UNC5A: variants seen among roughly 807,000 people sequenced by gnomAD.
UNC5A encodes unc-5 netrin receptor A.
A neutral mutation model predicts 87.4 loss-of-function variants in UNC5A; 20 were observed. That is an observed-to-expected ratio of 0.23 (90% CI 0.16 to 0.33). UNC5A has a LOEUF of 0.33. UNC5A is among the 10% of genes least tolerant of loss of function. UNC5A has a pLI of 1.00. For missense variants in UNC5A, 844 were observed against 1,133.4 expected (o/e 0.74, Z 3.67); for synonymous variants, 438 against 482.3 (o/e 0.91, Z 1.20).
chr5:176,826,609 G>A (rs1481361482), intron 1 of UNC5A, among the ~76,000 whole-genome samples: 1 of 150,170 alleles, frequency 6.7e-6, no homozygotes, highest in Admixed American at 6.7e-5. Context: ...AATGTTATGC[G>A]ACCATCACTT....
intron 1 of UNC5A, among the ~76,000 whole-genome samples, chr5:176,837,907 T>G (rs975247616): frequency 1.3e-5 from 2 of 152,122 alleles, no homozygotes; most frequent in African/African-American, 4.8e-5. Context: ...CTCCGGACTC[T>G]GCTTCCTAAC....
At chr5:176,835,510 A>T (rs1561647013) in intron 1 of UNC5A, among the ~76,000 whole-genome samples, 1 of 152,186 alleles carries the variant, frequency 6.6e-6, no homozygotes, top group Non-Finnish European at 1.5e-5. Context: ...CCTCCGACTC[A>T]TCGCTCCCTG....
chr5:176,877,809 C>T, intron 10 of UNC5A, 85 bp from the exon 11 acceptor site: 3 of 1,515,160 alleles, frequency 2.0e-6, no homozygotes, highest in Non-Finnish European at 2.7e-6. Flanking sequence ...CCACCCCTCC[C>T]CAGTCTCCGG....
At chr5:176,835,827 G>T (rs1757139040) in intron 1 of UNC5A, among the ~76,000 whole-genome samples, 5 of 147,280 alleles carry the variant, frequency 3.4e-5, no homozygotes, top group Admixed American at 3.4e-4. Context: ...TGTCTTAACA[G>T]ATTCATCTGG....
intron 3 of UNC5A, 66 bp from the exon 4 acceptor site, chr5:176,868,495 C>T: frequency 2.0e-6 from 3 of 1,523,830 alleles, no homozygotes; most frequent in African/African-American, 1.4e-5. Context: ...GGACAAGGGA[C>T]ACAGCCAGCC....
rs1031993756 is a variant in UNC5A, at chr5:176,879,974, C to T, written c.*88C>T. ...GCCGGACAGGGGCCCTTCCCCACACCGGGGAGAGCTGCTCGGACAGGCCCC... is the reference window on the plus strand; with the variant it reads ...GCCGGACAGGGGCCCTTCCCCACACTGGGGAGAGCTGCTCGGACAGGCCCC... On this transcript the variant is annotated 3_prime_UTR_variant, in exon 15 of 15. Transcript: ENST00000329542. 20 of 1,460,792 alleles carry T rather than the reference C, an allele frequency of 1.4e-5. No individual in the cohort carries two copies. Among genetic ancestry groups the T allele is most frequent in the Middle Eastern group, 2.3e-4 (1 of 4,282 alleles). The allele number at this position is 1,460,792 out of a possible 1,614,324, so 90.5% of individuals were successfully genotyped here.
intron 1 of UNC5A, among the ~76,000 whole-genome samples, chr5:176,843,110 G>A (rs1356457091): frequency 3.3e-5 from 5 of 150,710 alleles, no homozygotes; most frequent in East Asian, 1.9e-4. Flanking sequence ...GCAGTGAGCC[G>A]AGATCGCGTC....
chr5:176,879,615 A>G (rs1273266994), intron 14 of UNC5A, 106 bp from the exon 15 acceptor site: 2 of 1,550,272 alleles, frequency 1.3e-6, no homozygotes, highest in Admixed American at 1.9e-5. Flanking sequence ...CGGGGCAGTC[A>G]TTGTGTTTGG....
At chr5:176,842,976 A>G (rs191542304) in intron 1 of UNC5A, among the ~76,000 whole-genome samples, 90 of 152,312 alleles carry the variant, frequency 5.9e-4, no homozygotes, top group Non-Finnish European at 2.5e-4. Context: ...AGCCTGGCCA[A>G]CATGGCAAAC....
Position 176,880,181 on chromosome 5 carries a change from G to GCTA in UNC5A, c.*297_*299dup, listed in dbSNP as rs1758382203. On this transcript the variant is annotated 3_prime_UTR_variant, in exon 15 of 15. Transcript: ENST00000329542. ...CTGTGTGTGTGTATGTGCGTGTGAT[G>GCTA]CTACCTCTCCTCCCGTCCCTCTCCA... 2.8e-6 allele frequency: 1 copy of GCTA among 351,574 alleles called. No homozygotes were observed. The allele number at this position is 351,574 out of a possible 1,614,324, so 21.8% of individuals were successfully genotyped here.
intron 2 of UNC5A, chr5:176,864,715 C>T: frequency 2.5e-6 from 1 of 397,320 alleles, no homozygotes; most frequent in Non-Finnish European, 5.1e-6. Flanking sequence ...CACCTGCGGT[C>T]TTCAGGTGTT....
In UNC5A at chr5:176,844,950, G is replaced by A. The variant is rs1422372684; in HGVS notation, c.71-17674G>A. Among the ~76,000 whole-genome samples, 1 of 152,188 alleles carries A rather than the reference G, an allele frequency of 6.6e-6. No individual in the cohort carries two copies. The highest frequency in any genetic ancestry group is 1.5e-5 in the Non-Finnish European group (1 of 68,030). ...TGGTGGCTCGCAGCTTGCCGGAAAA[G>A]CCCCACCTTATCAGAGGGCGGTGGT... On this transcript the variant is annotated intron_variant, in intron 1 of 14. Coordinates refer to ENST00000329542, the MANE Select transcript of UNC5A (RefSeq NM_133369.3). This position sits in a 1 kb window ranked among gnomAD's most constrained non-coding sequence, Gnocchi z 4.2.
chr5:176,851,694 G>A (rs1581261730), intron 1 of UNC5A, among the ~76,000 whole-genome samples: 1 of 152,336 alleles, frequency 6.6e-6, no homozygotes, highest in Non-Finnish European at 1.5e-5. Context: ...GGGAGCATGG[G>A]GGCAGGAGGC....
At position 176,812,232 on chromosome 5, in the gene UNC5A, C is replaced by T. The variant is rs144427352; in HGVS notation, c.70+1412C>T. On this transcript the variant is annotated intron_variant, in intron 1 of 14. Coordinates refer to ENST00000329542, the MANE Select transcript of UNC5A (RefSeq NM_133369.3). Reference sequence around the variant, plus strand: ...GTGTGCAGCTCCGCAGATGAGCACCCGGGTGCAGGTTGCACTGTTGTCCAT... The same window carrying T: ...GTGTGCAGCTCCGCAGATGAGCACCTGGGTGCAGGTTGCACTGTTGTCCAT... Among the ~76,000 whole-genome samples the T allele has an allele frequency of 2.6e-3, 396 of 152,280 alleles. 3 individuals carry two copies. The highest frequency in any genetic ancestry group is 8.5e-3 in the African/African-American group (352 of 41,554).
Position 176,844,693 on chromosome 5 carries a change from C to T in UNC5A, c.71-17931C>T, listed in dbSNP as rs1757359894. Among the ~76,000 whole-genome samples the T allele has an allele frequency of 6.6e-6, 1 of 152,234 alleles. No homozygotes were observed. Among genetic ancestry groups the T allele is most frequent in the Admixed American group, 6.5e-5 (1 of 15,290 alleles). ...TTTAAATGCTGCCTTAAACCTCCTA[C>T]ATCACACCCAGGGGTCTGTGGACCA... On this transcript the variant is annotated intron_variant, in intron 1 of 14. Transcript: ENST00000329542. This position sits in a 1 kb window ranked among gnomAD's most constrained non-coding sequence, Gnocchi z 4.2.
rs145772594 is a variant in UNC5A at position 176,815,342 on chromosome 5, G to C, written c.70+4522G>C. On this transcript the variant is annotated intron_variant, in intron 1 of 14. Transcript: ENST00000329542. ...ACCCCTTCGTTCCTTGTCTGCTCCTGTGGGAGTGGCATTGAAGGGTCCTCC... is the reference window on the plus strand; with the variant it reads ...ACCCCTTCGTTCCTTGTCTGCTCCTCTGGGAGTGGCATTGAAGGGTCCTCC... 7.4e-3 allele frequency among the ~76,000 whole-genome samples: 1,123 copies of C among 152,298 alleles called. 14 individuals are homozygous for C. Among genetic ancestry groups the C allele is most frequent in the Middle Eastern group, 0.031 (9 of 294 alleles).
Position 176,879,338 on chromosome 5 carries a change from T to C in UNC5A, c.2213T>C (p.Leu738Pro). Residue 738 changes from leucine (L) to proline (P), a missense_variant, in exon 14 of 15, where the codon CTG becomes CCG. This residue lies in a region of UNC5A where 177 missense variants were observed against 279.4 expected (regional missense o/e 0.63). Transcript: ENST00000329542. ...KDTRFAELLA[L>P]ESEAGVPALV... Reference sequence around the variant, plus strand: ...ACAAGGTTTGCTGAGCTGCTGGCTCTGGAGAGTGAAGCGGGGGTCCCAGCC... The same window carrying C: ...ACAAGGTTTGCTGAGCTGCTGGCTCCGGAGAGTGAAGCGGGGGTCCCAGCC... 6.2e-7 allele frequency: 1 copy of C among 1,610,624 alleles called. No homozygotes were observed. Among genetic ancestry groups the C allele is most frequent in the Non-Finnish European group, 8.5e-7 (1 of 1,178,694 alleles).
chr5:176,833,268 G>T (rs889252218), intron 1 of UNC5A, among the ~76,000 whole-genome samples: 11 of 152,182 alleles, frequency 7.2e-5, no homozygotes, highest in African/African-American at 2.4e-4. Flanking sequence ...TGAGGACAGT[G>T]CCTGATGGGT....
intron 1 of UNC5A, among the ~76,000 whole-genome samples, chr5:176,861,018 A>C (rs1757824536): frequency 6.6e-6 from 1 of 152,098 alleles, no homozygotes; most frequent in Non-Finnish European, 1.5e-5. Flanking sequence ...CTCCACACCC[A>C]TCTGCCCCTG....
Sources: allele counts gnomAD v4.1 joint callset (sites outside exome capture counted in the v4.1 genomes callset), GRCh38; gene constraint gnomAD v4.1.1; regional missense constraint gnomAD v4.1.1; non-coding constraint Gnocchi (gnomAD v3.1); transcripts MANE v1.5; gene names NCBI Gene and HGNC (gene_info 2026-07-23, HGNC 2026-07-21).